C10orf90: variants seen among roughly 807,000 people sequenced by gnomAD.
C10orf90 encodes the protein (E2-independent) E3 ubiquitin-conjugating enzyme FATS.
C10orf90 carries 56 observed loss-of-function variants against 62.5 expected under a neutral mutation model. The observed-to-expected ratio is 0.90, with a 90% CI of 0.72 to 1.12. C10orf90 has a LOEUF of 1.12. Among genes scored for constraint, C10orf90 ranks in the 50% most tolerant of loss-of-function variants. C10orf90 has a pLI of 0.00. For synonymous variants in C10orf90, 386 were observed against 340.4 expected, an observed-to-expected ratio of 1.13 and a Z score of -1.47; for missense variants, 970 against 880.4, an observed-to-expected ratio of 1.10 and a Z score of -1.29.
At chr10:126,553,789 C>A (rs1282583596) in intron 2 of C10orf90, among the ~76,000 whole-genome samples, 1 of 152,138 alleles carries the variant, frequency 6.6e-6, no homozygotes, top group Non-Finnish European at 1.5e-5. Context: ...TTCTCAGAAC[C>A]TATCTCCATT....
At chr10:126,458,910 T>C in intron 7 of C10orf90, 130 bp downstream of exon 7, 1 of 1,019,308 alleles carries the variant, frequency 9.8e-7, no homozygotes. Flanking sequence ...GGTCAGCCAC[T>C]TGGAGCCATA....
At chr10:126,655,567 G>A (rs1272189999) in intron 1 of C10orf90, among the ~76,000 whole-genome samples, 2 of 152,124 alleles carry the variant, frequency 1.3e-5, no homozygotes, top group Non-Finnish European at 2.9e-5. Context: ...AGCTGTACTT[G>A]ACAATGTGAG....
intron 7 of C10orf90, among the ~76,000 whole-genome samples, chr10:126,435,206 G>A (rs146547533): frequency 5.9e-5 from 9 of 152,354 alleles, no homozygotes; most frequent in Non-Finnish European, 4.4e-5. Flanking sequence ...ACATGAGAGA[G>A]TTGCTGATGT....
chr10:126,494,388 G>C (rs1413128983), intron 4 of C10orf90, among the ~76,000 whole-genome samples: 1 of 152,100 alleles, frequency 6.6e-6, no homozygotes, highest in Admixed American at 6.6e-5. Flanking sequence ...TGGGCCTCAA[G>C]GTTGACTCTG....
intron 4 of C10orf90, among the ~76,000 whole-genome samples, chr10:126,476,558 C>T (rs541537743): frequency 2.6e-5 from 4 of 152,308 alleles, no homozygotes; most frequent in South Asian, 2.1e-4. Flanking sequence ...CCTGTGACTG[C>T]GAGGCTTAGA....
At chr10:126,476,466 G>A (rs1340615495) in intron 4 of C10orf90, among the ~76,000 whole-genome samples, 1 of 152,198 alleles carries the variant, frequency 6.6e-6, no homozygotes, top group Admixed American at 6.5e-5. Context: ...CACCAAAGGA[G>A]CCCGCGTCAG....
At chr10:126,497,707 T>A (rs1041722422) in intron 4 of C10orf90, among the ~76,000 whole-genome samples, 6 of 152,168 alleles carry the variant, frequency 3.9e-5, no homozygotes, top group African/African-American at 1.4e-4. Context: ...AAGGCCCAGA[T>A]AGTAAAAATG....
At chr10:126,565,142 A>AT (rs1236593079) in intron 2 of C10orf90, among the ~76,000 whole-genome samples, 20 of 50,650 alleles carry the variant, frequency 3.9e-4, no homozygotes, top group Non-Finnish European at 4.3e-4. Context: ...TAAATATAAT[A>AT]TTAAATATGT....
intron 2 of C10orf90, among the ~76,000 whole-genome samples, chr10:126,560,914 A>C (rs1267263255): frequency 6.6e-6 from 1 of 152,238 alleles, no homozygotes; most frequent in Non-Finnish European, 1.5e-5. Flanking sequence ...AAATGTAGAA[A>C]ACATGCTTAG....
intron 7 of C10orf90, among the ~76,000 whole-genome samples, chr10:126,448,041 TTTG>T (rs1196954440): frequency 8.4e-5 from 12 of 143,686 alleles, no homozygotes; most frequent in African/African-American, 2.9e-4. Context: ...TTTTTTTTTT[TTTG>T]TATTTTTAGT....
At chr10:126,604,922 A>C (rs894088111) in intron 2 of C10orf90, among the ~76,000 whole-genome samples, 1 of 152,220 alleles carries the variant, frequency 6.6e-6, no homozygotes, top group African/African-American at 2.4e-5. Context: ...CCTGCATAAA[A>C]TGTAGACATT....
chr10:126,616,929 C>T (rs914788675), intron 2 of C10orf90, among the ~76,000 whole-genome samples: 2 of 152,186 alleles, frequency 1.3e-5, no homozygotes, highest in African/African-American at 4.8e-5. Flanking sequence ...CTGCTTCCCA[C>T]ACCTCCCCTT....
At chr10:126,594,337 G>C (rs898087656) in intron 2 of C10orf90, among the ~76,000 whole-genome samples, 2 of 152,130 alleles carry the variant, frequency 1.3e-5, no homozygotes, top group African/African-American at 2.4e-5. Context: ...AATACTCAGA[G>C]AAAGGACTAG....
At chr10:126,582,711 T>C (rs1352223702) in intron 2 of C10orf90, among the ~76,000 whole-genome samples, 1 of 152,214 alleles carries the variant, frequency 6.6e-6, no homozygotes, top group Non-Finnish European at 1.5e-5. Flanking sequence ...CCTGATTATA[T>C]GTCTTTTCAG....
chr10:126,591,527 G>A (rs955624530), intron 2 of C10orf90, among the ~76,000 whole-genome samples: 2 of 152,068 alleles, frequency 1.3e-5, no homozygotes, highest in Non-Finnish European at 2.9e-5. Flanking sequence ...CAGCAGACTA[G>A]GTATTGAAGG....
At chr10:126,561,993 G>C (rs781748750) in intron 2 of C10orf90, among the ~76,000 whole-genome samples, 14 of 152,200 alleles carry the variant, frequency 9.2e-5, no homozygotes, top group Non-Finnish European at 4.4e-5. Flanking sequence ...GACATGAAGC[G>C]TTCATTTTGG....
rs565903686 is a variant in C10orf90 at position 126,605,233 on chromosome 10, C to T, written c.313+41332G>A. 4.6e-5 allele frequency among the ~76,000 whole-genome samples: 7 copies of T among 152,272 alleles called. No individual in the cohort carries two copies. The East Asian group carries it at 1.4e-3, about 29-fold the overall frequency. On this transcript the variant is annotated intron_variant, in intron 2 of 9. Transcript: ENST00000488181. ...ATGACCGTAAATGCCCTCAGAGGGG[C>T]GTGTGCTTTGGTGCGCCAAGCCAAA...
At chr10:126,517,391 A>C (rs1351431562) in intron 2 of C10orf90, among the ~76,000 whole-genome samples, 1 of 152,218 alleles carries the variant, frequency 6.6e-6, no homozygotes, top group African/African-American at 2.4e-5. Flanking sequence ...GGCCCTGAAC[A>C]CAGCAGCATA....
rs936473847 is a variant in C10orf90 at position 126,500,156 on chromosome 10, C to T, written c.1534+3801G>A. Among the ~76,000 whole-genome samples, 17 of 152,238 alleles carry T rather than the reference C, an allele frequency of 1.1e-4. No individual in the cohort carries two copies. The South Asian group carries it at 1.2e-3, about 11-fold the overall frequency. On this transcript the variant is annotated intron_variant, in intron 4 of 9. Transcript: ENST00000488181. ...GCAGTTCACTCTCCTAATAGTCTAC[C>T]GGGGTAACTGGCAACCAAATACCAG...
Sources: allele counts gnomAD v4.1 joint callset (sites outside exome capture counted in the v4.1 genomes callset), GRCh38; gene constraint gnomAD v4.1.1; transcripts MANE v1.5; gene names NCBI Gene and HGNC (gene_info 2026-07-23, HGNC 2026-07-21).